EFL1: variants seen among roughly 807,000 people sequenced by gnomAD.
The protein encoded by EFL1 is elongation factor-like GTPase 1.
A neutral mutation model predicts 126.7 loss-of-function variants in EFL1; 76 were observed. The observed-to-expected ratio is 0.60, with a 90% confidence interval of 0.50 to 0.73. The LOEUF (loss-of-function observed/expected upper bound fraction) is 0.73. Among genes scored for constraint, EFL1 ranks in the 30% least tolerant of loss-of-function variants. The pLI, the probability that EFL1 is intolerant of heterozygous loss-of-function variation, is 0.00. For missense variants in EFL1, 1,128 were observed against 1,343.2 expected, an observed-to-expected ratio of 0.84 and a Z score of 2.50; for synonymous variants, 410 against 448.4, an observed-to-expected ratio of 0.91 and a Z score of 1.08.
At chr15:82,189,686 G>C (rs2074338357) in intron 15 of EFL1, among the ~76,000 whole-genome samples, 1 of 152,230 alleles carries the variant, frequency 6.6e-6, no homozygotes, top group East Asian at 1.9e-4. Context: ...CTTTCAATGA[G>C]AGCCCAAGTC....
intron 14 of EFL1, among the ~76,000 whole-genome samples, chr15:82,216,037 A>G (rs1450765552): frequency 6.6e-6 from 1 of 152,194 alleles, no homozygotes; most frequent in Non-Finnish European, 1.5e-5. Context: ...GCAAGGTGGC[A>G]AAAATGCAAG....
intron 12 of EFL1, among the ~76,000 whole-genome samples, chr15:82,221,201 TC>T (rs1227645762): frequency 1.3e-5 from 2 of 152,170 alleles, no homozygotes; most frequent in Non-Finnish European, 2.9e-5. Flanking sequence ...TGTGCCTCTC[TC>T]CCGTGTTGTC....
chr15:82,173,260 G>A (rs1595959405), intron 15 of EFL1, among the ~76,000 whole-genome samples: 2 of 152,054 alleles, frequency 1.3e-5, no homozygotes, highest in South Asian at 4.2e-4. Flanking sequence ...TGAACAATAT[G>A]ATACTATTAT....
At chr15:82,197,758 T>C (rs2074423190) in intron 15 of EFL1, among the ~76,000 whole-genome samples, 1 of 151,812 alleles carries the variant, frequency 6.6e-6, no homozygotes, top group East Asian at 1.9e-4. Flanking sequence ...TAAATTTAAA[T>C]GCCTGCTTTG....
intron 15 of EFL1, among the ~76,000 whole-genome samples, chr15:82,211,820 A>G (rs1041468526): frequency 1.3e-5 from 2 of 152,222 alleles, no homozygotes; most frequent in Non-Finnish European, 2.9e-5. Context: ...GTTTTAATGA[A>G]GCCATTAAAA....
intron 15 of EFL1, among the ~76,000 whole-genome samples, chr15:82,185,856 C>T (rs1385668896): frequency 6.6e-6 from 1 of 152,026 alleles, no homozygotes; most frequent in Non-Finnish European, 1.5e-5. Flanking sequence ...AATTAATTAG[C>T]CTTGAAAAGT....
At chr15:82,139,757 T>C (rs866486242) in intron 18 of EFL1, among the ~76,000 whole-genome samples, 2 of 152,242 alleles carry the variant, frequency 1.3e-5, no homozygotes, top group Non-Finnish European at 2.9e-5. Flanking sequence ...ATCTATTGCA[T>C]ATATTATCCT....
At chr15:82,137,381 A>G (rs760734577) in intron 19 of EFL1, among the ~76,000 whole-genome samples, 16 of 152,212 alleles carry the variant, frequency 1.1e-4, no homozygotes, top group Non-Finnish European at 2.1e-4. Context: ...AAAAAAAACC[A>G]TGGATTATCT....
At chr15:82,254,308 C>A (rs908846747) in intron 3 of EFL1, among the ~76,000 whole-genome samples, 7 of 152,156 alleles carry the variant, frequency 4.6e-5, no homozygotes, top group African/African-American at 1.7e-4. Context: ...TTCCCTTCAC[C>A]TCTCCAACCT....
intron 15 of EFL1, among the ~76,000 whole-genome samples, chr15:82,183,948 C>T (rs1595967420): frequency 6.6e-6 from 1 of 152,162 alleles, no homozygotes; most frequent in African/African-American, 2.4e-5. Flanking sequence ...GTGGCTAGAA[C>T]TGGTCATGCC....
chr15:82,149,898 C>T (rs1490273252), intron 18 of EFL1, among the ~76,000 whole-genome samples: 4 of 152,016 alleles, frequency 2.6e-5, no homozygotes, highest in Admixed American at 2.0e-4. Flanking sequence ...AAGCATTTGT[C>T]GGGGTAGGAG....
At chr15:82,139,312 T>G (rs2073760181) in intron 18 of EFL1, among the ~76,000 whole-genome samples, 1 of 152,214 alleles carries the variant, frequency 6.6e-6, no homozygotes, top group Non-Finnish European at 1.5e-5. Flanking sequence ...ATACCAAAAA[T>G]TAAAACCACA....
chr15:82,239,238 A>G (rs1183938340), intron 6 of EFL1, among the ~76,000 whole-genome samples: 2 of 151,958 alleles, frequency 1.3e-5, no homozygotes, highest in Non-Finnish European at 2.9e-5. Context: ...CCGGGTTCAC[A>G]CCATTCTCCT....
At chr15:82,185,169 CTGTGTGTGTGTGTGTGTGTGTGTG>C (rs71156029) in intron 15 of EFL1, among the ~76,000 whole-genome samples, 28 of 139,880 alleles carry the variant, frequency 2.0e-4, no homozygotes, top group African/African-American at 6.9e-4. Context: ...TCATGTGTGG[CTGTGTGTGTGTGTGTGTGTGTGTG>C]TGTGTGTGTG....
intron 15 of EFL1, among the ~76,000 whole-genome samples, chr15:82,173,192 T>C (rs563283834): frequency 1.3e-5 from 2 of 151,918 alleles, no homozygotes; most frequent in African/African-American, 4.8e-5. Flanking sequence ...GGAATCAACA[T>C]AGAAAAAAAA....
chr15:82,239,203 C>T (rs1288095651), intron 6 of EFL1, among the ~76,000 whole-genome samples: 1 of 152,118 alleles, frequency 6.6e-6, no homozygotes. Flanking sequence ...GTGGCGTGAT[C>T]TTGGCTCACC....
chr15:82,206,738 G>A (rs926542650), intron 15 of EFL1, among the ~76,000 whole-genome samples: 3 of 152,060 alleles, frequency 2.0e-5, no homozygotes, highest in African/African-American at 7.2e-5. Context: ...AAAAGAACCT[G>A]AAAGGGACAA....
chr15:82,218,204 T>C (rs1246821212), intron 14 of EFL1, among the ~76,000 whole-genome samples: 1 of 152,216 alleles, frequency 6.6e-6, no homozygotes, highest in Non-Finnish European at 1.5e-5. Context: ...TTCAAGCTGC[T>C]ACATTTGTTG....
chr15:82,131,267 T>C (rs1375129930), intron 19 of EFL1, among the ~76,000 whole-genome samples: 1 of 152,164 alleles, frequency 6.6e-6, no homozygotes, highest in Non-Finnish European at 1.5e-5. Context: ...GATCAACACA[T>C]GTAACTACAC....
Sources: allele counts gnomAD v4.1 joint callset (sites outside exome capture counted in the v4.1 genomes callset), GRCh38; gene constraint gnomAD v4.1.1; transcripts MANE v1.5; gene names NCBI Gene and HGNC (gene_info 2026-07-23, HGNC 2026-07-21).